Variants in CENPW observed in about 807,000 individuals in gnomAD.
The protein encoded by CENPW is centromere protein W, also known as cancer-up-regulated gene 2 protein.
CENPW carries 3 observed loss-of-function variants against 11.1 expected under a neutral mutation model. The ratio of observed to expected loss-of-function variants is 0.27; its 90% CI spans 0.12 to 0.70. The LOEUF (loss-of-function observed/expected upper bound fraction) is 0.70, where lower values mean the gene tolerates loss of function less well. Among genes scored for constraint, CENPW ranks in the 30% least tolerant of loss-of-function variants. The pLI, the probability that CENPW is intolerant of heterozygous loss-of-function variation, is 0.77. For synonymous variants in CENPW, 38 were observed against 42.0 expected, an observed-to-expected ratio of 0.91 and a Z score of 0.37; for missense variants, 100 against 105.6, an observed-to-expected ratio of 0.95 and a Z score of 0.23.
At chr6:126,477,215 G>A in the CENPW span, among the ~76,000 whole-genome samples, 1 of 151,916 alleles carries the variant, frequency 6.6e-6, no homozygotes, top group Non-Finnish European at 1.5e-5. Flanking sequence ...TGCCTATTAA[G>A]AGAGTACAAT....
At chr6:126,356,044 G>C in the CENPW span, among the ~76,000 whole-genome samples, 6 of 152,138 alleles carry the variant, frequency 3.9e-5, no homozygotes, top group African/African-American at 1.2e-4. Flanking sequence ...CTGGATGACT[G>C]TCTTGATGCT....
At chr6:126,386,833 A>G in the CENPW span, among the ~76,000 whole-genome samples, 1 of 151,986 alleles carries the variant, frequency 6.6e-6, no homozygotes, top group African/African-American at 2.4e-5. Context: ...TTTTATCTTG[A>G]TAAGTACAAT....
the CENPW span, among the ~76,000 whole-genome samples, chr6:126,446,565 T>C: frequency 1.3e-5 from 2 of 151,114 alleles, no homozygotes; most frequent in African/African-American, 4.8e-5. Flanking sequence ...ATACAGAAAC[T>C]GTAGACTGTC....
the CENPW span, among the ~76,000 whole-genome samples, chr6:126,432,185 G>A: frequency 6.6e-6 from 1 of 151,932 alleles, no homozygotes; most frequent in South Asian, 2.1e-4. Flanking sequence ...ATGCTGCGTG[G>A]CATTCATGTG....
chr6:126,436,697 T>C, the CENPW span, among the ~76,000 whole-genome samples: 1 of 151,902 alleles, frequency 6.6e-6, no homozygotes, highest in Non-Finnish European at 1.5e-5. Flanking sequence ...AATCTATTTA[T>C]TTTTAATAAT....
chr6:126,476,836 G>T, the CENPW span, among the ~76,000 whole-genome samples: 1 of 152,006 alleles, frequency 6.6e-6, no homozygotes, highest in Non-Finnish European at 1.5e-5. Flanking sequence ...ATAAAGAGAA[G>T]AATTGTGTAA....
the CENPW span, among the ~76,000 whole-genome samples, chr6:126,390,419 G>A: frequency 6.6e-6 from 1 of 151,824 alleles, no homozygotes; most frequent in Non-Finnish European, 1.5e-5. Context: ...ATAACACAAA[G>A]ATAAATGGGA....
the CENPW span, among the ~76,000 whole-genome samples, chr6:126,384,286 A>C: frequency 6.6e-6 from 1 of 152,088 alleles, no homozygotes; most frequent in Non-Finnish European, 1.5e-5. Context: ...CTTTTAAAAA[A>C]TTTATATGGA....
chr6:126,446,544 G>T, the CENPW span, among the ~76,000 whole-genome samples: 2 of 151,032 alleles, frequency 1.3e-5, no homozygotes, highest in African/African-American at 4.8e-5. Context: ...ACTATAAGCT[G>T]CTCAGAATTT....
intron 1 of CENPW, among the ~76,000 whole-genome samples, chr6:126,344,096 C>G (rs1780363986): frequency 6.6e-6 from 1 of 152,098 alleles, no homozygotes; most frequent in African/African-American, 2.4e-5. Context: ...TATTAGCTGC[C>G]TACTATGTAT....
the CENPW span, among the ~76,000 whole-genome samples, chr6:126,374,224 G>T: frequency 1.3e-5 from 2 of 152,122 alleles, no homozygotes; most frequent in African/African-American, 4.8e-5. Flanking sequence ...AGCTAGTATT[G>T]CTAGTGTCAC....
the CENPW span, among the ~76,000 whole-genome samples, chr6:126,448,574 A>G: frequency 6.6e-6 from 1 of 150,968 alleles, no homozygotes; most frequent in African/African-American, 2.4e-5. Flanking sequence ...GGTTCATAGC[A>G]CCAACTTTGG....
the CENPW span, among the ~76,000 whole-genome samples, chr6:126,379,592 T>A: frequency 4.6e-5 from 7 of 152,200 alleles, no homozygotes; most frequent in Non-Finnish European, 7.3e-5. Context: ...GTGGTCTGAA[T>A]CCCATCCAAC....
the CENPW span, among the ~76,000 whole-genome samples, chr6:126,418,751 A>G: frequency 5.5e-4 from 84 of 152,188 alleles, no homozygotes; most frequent in African/African-American, 1.9e-3. Flanking sequence ...TGATGCAGCC[A>G]TACAAAATGA....
At chr6:126,440,938 C>A in the CENPW span, among the ~76,000 whole-genome samples, 376 of 151,454 alleles carry the variant, frequency 2.5e-3, no homozygotes, top group African/African-American at 8.8e-3. Context: ...TAGACCACAA[C>A]GGAAGATATT....
chr6:126,346,467 G>A lies in CENPW; in HGVS notation c.240+149G>A, dbSNP rs1487485236. ...ATGAATTAATGATTTTAATTAAGGA[G>A]TTATATTTCCTCCATATGTATATTA... On this transcript the variant is annotated intron_variant, in intron 2 of 2. Transcript: ENST00000368328. 5 of 479,728 alleles carry A rather than the reference G, an allele frequency of 1.0e-5. No homozygotes were observed. The East Asian group carries it at 1.5e-4, about 15-fold the overall frequency. The allele number at this position is 479,728 out of a possible 1,614,324, so 29.7% of individuals were successfully genotyped here.
chr6:126,405,272 A>G, the CENPW span, among the ~76,000 whole-genome samples: 1 of 151,958 alleles, frequency 6.6e-6, no homozygotes, highest in East Asian at 1.9e-4. Context: ...TTCTCAATGT[A>G]TTAATATGTT....
downstream of CENPW, among the ~76,000 whole-genome samples, chr6:126,351,247 CAA>C: frequency 6.6e-6 from 1 of 151,654 alleles, no homozygotes; most frequent in Non-Finnish European, 1.5e-5. Context: ...ACCACACAGC[CAA>C]AAGCCTCCTT....
At chr6:126,441,897 T>G in the CENPW span, among the ~76,000 whole-genome samples, 19 of 151,608 alleles carry the variant, frequency 1.3e-4, no homozygotes, top group Non-Finnish European at 2.2e-4. Context: ...CGTTGTGAAT[T>G]GTGCTGCTAT....
Sources: allele counts gnomAD v4.1 joint callset (sites outside exome capture counted in the v4.1 genomes callset), GRCh38; gene constraint gnomAD v4.1.1; transcripts MANE v1.5; gene names NCBI Gene and HGNC (gene_info 2026-07-23, HGNC 2026-07-21).